The following NRXN1 variants were observed in gnomAD, a reference collection of about 807,000 sequenced individuals.
NRXN1 encodes neurexin 1, also known as neurexin-1.
NRXN1 carries 39 observed loss-of-function variants against 150.9 expected under a neutral mutation model. The ratio of observed to expected loss-of-function variants is 0.26; its 90% CI spans 0.20 to 0.34. NRXN1 has a LOEUF of 0.34. Ranked by LOEUF, NRXN1 falls within the 10% of genes least tolerant of loss-of-function variation. The probability of loss-of-function intolerance (pLI) is 1.00; values close to 1 mark genes in which losing one functional copy is unlikely to be tolerated. For synonymous variants in NRXN1, 924 were observed against 757.0 expected (o/e 1.22, Z -3.62); for missense variants, 1,815 against 1,949.9 (o/e 0.93, Z 1.30).
chr2:50,044,508 G>A (rs776127849), intron 21 of NRXN1, among the ~76,000 whole-genome samples: 13 of 152,124 alleles, frequency 8.5e-5, no homozygotes, highest in Non-Finnish European at 1.8e-4. Flanking sequence ...CAACACTTAA[G>A]ACGTGAAACA....
rs192976689 is a variant in NRXN1 at position 50,741,214 on chromosome 2, A to G, written c.833-117599T>C. ...AGAATAAAACAGAGTCTGGACTTAA[A>G]TGATTCCTCCTGCCAAATAATAAAT... On this transcript the variant is annotated intron_variant, in intron 5 of 22. Coordinates refer to ENST00000401669, the MANE Select transcript of NRXN1 (RefSeq NM_001330078.2). Among the ~76,000 whole-genome samples the G allele has an allele frequency of 7.9e-5, 12 of 152,330 alleles. No individual in the cohort carries two copies. The East Asian group carries it at 2.3e-3, about 29-fold the overall frequency.
rs191828664 is a variant in NRXN1 at position 50,187,110 on chromosome 2, G to A, written c.3546+49679C>T. Among the ~76,000 whole-genome samples the A allele has an allele frequency of 5.3e-5, 8 of 152,040 alleles. No individual in the cohort carries two copies. In the South Asian group the frequency reaches 6.2e-4, roughly 12 times the overall value. On this transcript the variant is annotated intron_variant, in intron 18 of 22. Transcript: ENST00000401669. ...TGGCTGATTCTATGTTTTAAAATCA[G>A]ACAAACAAACCAATAAAGATCACAC...
chr2:50,620,322 G>A, intron 7 of NRXN1, 139 bp from the exon 8 acceptor site: 1 of 1,014,760 alleles, frequency 9.9e-7, no homozygotes, highest in Non-Finnish European at 1.4e-6. Flanking sequence ...TGTTTGTTTG[G>A]TTTTTGTTTT....
intron 19 of NRXN1, among the ~76,000 whole-genome samples, chr2:50,084,821 T>A (rs537180896): frequency 1.3e-5 from 2 of 152,288 alleles, no homozygotes; most frequent in East Asian, 3.9e-4. Context: ...ATTGATAAAG[T>A]AAGAACAAGT....
chr2:50,690,599 T>G (rs1294365822), intron 5 of NRXN1, among the ~76,000 whole-genome samples: 1 of 152,184 alleles, frequency 6.6e-6, no homozygotes, highest in Non-Finnish European at 1.5e-5. Context: ...ATAAGTGTAA[T>G]TGAAGTGAAC....
At chr2:50,863,582 A>G (rs1287274123) in intron 5 of NRXN1, among the ~76,000 whole-genome samples, 1 of 152,042 alleles carries the variant, frequency 6.6e-6, no homozygotes, top group African/African-American at 2.4e-5. Context: ...ATTAAGCTCT[A>G]AATGGCCACA....
At chr2:50,853,248 C>T (rs566033995) in intron 5 of NRXN1, among the ~76,000 whole-genome samples, 1 of 152,208 alleles carries the variant, frequency 6.6e-6, no homozygotes, top group Non-Finnish European at 1.5e-5. Flanking sequence ...CTGAACAAAA[C>T]AATTTCACAG....
At chr2:50,453,571 C>T (rs1043209392) in intron 17 of NRXN1, among the ~76,000 whole-genome samples, 2 of 152,104 alleles carry the variant, frequency 1.3e-5, no homozygotes, top group African/African-American at 4.8e-5. Flanking sequence ...AAATATTGAA[C>T]CAAAACAATC....
intron 8 of NRXN1, among the ~76,000 whole-genome samples, chr2:50,617,114 AG>A (rs1175692357): frequency 6.6e-6 from 1 of 152,170 alleles, no homozygotes; most frequent in Non-Finnish European, 1.5e-5. Context: ...TGGTTCAGAC[AG>A]GATGGAAACT....
At chr2:50,800,524 G>C (rs1419562090) in intron 5 of NRXN1, among the ~76,000 whole-genome samples, 1 of 152,058 alleles carries the variant, frequency 6.6e-6, no homozygotes, top group African/African-American at 2.4e-5. Context: ...GTCACCTATG[G>C]AATAGCTATA....
rs143759409 is a variant in NRXN1, at chr2:50,017,660, CTTT to C, written c.4128+35608_4128+35610del. 2.8e-3 allele frequency among the ~76,000 whole-genome samples: 384 copies of C among 138,484 alleles called. 2 individuals are homozygous for C. Among genetic ancestry groups the C allele is most frequent in the Middle Eastern group, 7.4e-3 (2 of 272 alleles). The allele number at this position is 138,484 out of a possible 152,430, so 90.9% of individuals were successfully genotyped here. A position where few individuals can be genotyped will look rare whatever the true frequency, so the allele number is the denominator to read the frequency against. ...AAAAGATTTTAGAAAAAAACACAGCCTTTTTTTTTTTTTTTTTGGATTTACATT... is the reference window on the plus strand; with the variant it reads ...AAAAGATTTTAGAAAAAAACACAGCCTTTTTTTTTTTTTTGGATTTACATT... On this transcript the variant is annotated intron_variant, in intron 21 of 22. Transcript: ENST00000401669.
chr2:50,323,899 G>A (rs1361811649), intron 17 of NRXN1, among the ~76,000 whole-genome samples: 2 of 152,152 alleles, frequency 1.3e-5, no homozygotes, highest in African/African-American at 4.8e-5. Context: ...TTCTAGGAAA[G>A]GGGGGTACCA....
chr2:50,501,400 A>AGTGTGTGT (rs368765670), intron 13 of NRXN1, among the ~76,000 whole-genome samples: 8,296 of 148,228 alleles, frequency 0.056, 406 homozygotes, highest in African/African-American at 0.13. Context: ...TGTGTGTGTG[A>AGTGTGTGT]GTGTGTGTGT....
intron 18 of NRXN1, among the ~76,000 whole-genome samples, chr2:50,092,202 G>A (rs1288963314): frequency 1.3e-5 from 2 of 152,166 alleles, no homozygotes; most frequent in Non-Finnish European, 2.9e-5. Flanking sequence ...TATCCAAAAT[G>A]AACGCCCTCT....
intron 17 of NRXN1, among the ~76,000 whole-genome samples, chr2:50,269,758 A>C (rs2069342188): frequency 6.6e-6 from 1 of 150,848 alleles, no homozygotes; most frequent in Non-Finnish European, 1.5e-5. Context: ...ATTGTGTTAC[A>C]AAAAAACAAC....
chr2:50,873,580 T>A (rs1678117155), intron 5 of NRXN1, among the ~76,000 whole-genome samples: 1 of 151,790 alleles, frequency 6.6e-6, no homozygotes, highest in South Asian at 2.1e-4. Flanking sequence ...GCGGGGTGGT[T>A]TATGCTCTGA....
intron 8 of NRXN1, among the ~76,000 whole-genome samples, chr2:50,584,187 C>T (rs902836992): frequency 5.3e-5 from 8 of 152,036 alleles, no homozygotes; most frequent in African/African-American, 1.7e-4. Context: ...ACCATAAATC[C>T]CCAAAGATAA....
chr2:49,989,647 G>A (rs1259964356), intron 21 of NRXN1, among the ~76,000 whole-genome samples: 1 of 152,114 alleles, frequency 6.6e-6, no homozygotes, highest in East Asian at 1.9e-4. Context: ...GGTGATTCTG[G>A]GGAGGGTTTA....
At chr2:50,408,857 C>CTCTCTCTCTCTCTCTCTG (rs1301681169) in intron 17 of NRXN1, among the ~76,000 whole-genome samples, 12 of 151,724 alleles carry the variant, frequency 7.9e-5, no homozygotes, top group Non-Finnish European at 1.8e-4. Context: ...CTCTCTCTCT[C>CTCTCTCTCTCTCTCTCTG]TCTCTCTCTC....
Sources: allele counts gnomAD v4.1 joint callset (sites outside exome capture counted in the v4.1 genomes callset), GRCh38; gene constraint gnomAD v4.1.1; transcripts MANE v1.5; gene names NCBI Gene and HGNC (gene_info 2026-07-23, HGNC 2026-07-21).